Variants in CFAP74 observed in about 807,000 individuals in gnomAD.
The protein encoded by CFAP74 is cilia and flagella associated protein 74.
In CFAP74, 124 loss-of-function variants were observed where a neutral mutation model predicts 188.9. The observed-to-expected ratio is 0.66, with a 90% confidence interval of 0.57 to 0.76. The LOEUF is 0.76. CFAP74 is among the 30% of genes least tolerant of loss of function. The probability of loss-of-function intolerance (pLI) is 0.00; values close to 1 mark genes in which losing one functional copy is unlikely to be tolerated. For missense variants in CFAP74, 2,198 were observed against 2,165.2 expected (o/e 1.02, Z -0.30); for synonymous variants, 956 against 916.7 (o/e 1.04, Z -0.77).
chr1:1,961,909 A>G (rs891031574), intron 14 of CFAP74, among the ~76,000 whole-genome samples: 1 of 152,182 alleles, frequency 6.6e-6, no homozygotes, highest in African/African-American at 2.4e-5. Context: ...GATCTCAGGG[A>G]GGGGCCATCA....
chr1:1,955,762 G>A lies in CFAP74; in HGVS notation c.2105C>T (p.Ser702Phe). Residue 702 changes from serine to phenylalanine, a missense_variant, in exon 18 of 39, where the codon TCC (serine) becomes TTC (phenylalanine). Ser to Phe is a radical substitution (Grantham distance 155). Transcript: ENST00000682832. ...SEQQLEGTES[S>F]QADMQSRKEL... ...CTTCCGGCTCTGCATGTCCGCCTGG[G>A]AGGACTCCGTGCCCTCTAGCTGCTG... 1 of 1,614,236 alleles carries A rather than the reference G, an allele frequency of 6.2e-7. No homozygotes were observed. Among genetic ancestry groups the A allele is most frequent in the Non-Finnish European group, 8.5e-7 (1 of 1,180,046 alleles).
Position 1,942,916 on chromosome 1 carries a change from C to T in CFAP74, c.2487-760G>A, listed in dbSNP as rs944248073. 1.3e-5 allele frequency among the ~76,000 whole-genome samples: 2 copies of T among 152,190 alleles called. No homozygotes were observed. Among genetic ancestry groups the T allele is most frequent in the Admixed American group, 6.5e-5 (1 of 15,286 alleles). On this transcript the variant is annotated intron_variant, in intron 21 of 38. Transcript: ENST00000682832. This position sits in a 1 kb window ranked among gnomAD's most constrained non-coding sequence, Gnocchi z 4.3. ...TGCTTCCATGCGACAGTCACCCATGCTGTGGCAGCCTCATCTCCGTCCATC... is the reference window on the plus strand; with the variant it reads ...TGCTTCCATGCGACAGTCACCCATGTTGTGGCAGCCTCATCTCCGTCCATC...
chr1:1,985,476 C>T lies in CFAP74; in HGVS notation c.410G>A (p.Arg137His), dbSNP rs746426887. Reference sequence around the variant, plus strand: ...CAGGCGTCTGGACACGGCCTGGAGGCGGCCCACAGCGGCCCTGCAGTGGTG... The same window carrying T: ...CAGGCGTCTGGACACGGCCTGGAGGTGGCCCACAGCGGCCCTGCAGTGGTG... ...EEAGNMAAVG[R>H]LQAVSRRLFA... Residue 137 changes from arginine to histidine, a missense_variant, in exon 6 of 39, where the codon CGC (arginine) becomes CAC (histidine). Physicochemically the swap from Arg to His is conservative, Grantham distance 29. Coordinates refer to ENST00000682832, the MANE Select transcript of CFAP74 (RefSeq NM_001304360.2). 1.1e-5 allele frequency: 18 copies of T among 1,613,676 alleles called. No homozygotes were observed. The highest frequency in any genetic ancestry group is 6.7e-5 in the African/African-American group (5 of 75,074).
At chr1:1,997,863 G>A (rs932748482) in intron 1 of CFAP74, among the ~76,000 whole-genome samples, 3 of 152,204 alleles carry the variant, frequency 2.0e-5, no homozygotes, top group Admixed American at 1.3e-4. Context: ...CAAGAGACAA[G>A]TCGGCCACAT....
rs1652011176 is a variant in CFAP74 at position 1,927,606 on chromosome 1, C to T, written c.3527+1G>A. Reference sequence around the variant, plus strand: ...GGTGGGGCAGCCCCTCCTGGACCCACCTGGGCCTCAGCTCCCGCTTCCGCA... The same window carrying T: ...GGTGGGGCAGCCCCTCCTGGACCCATCTGGGCCTCAGCTCCCGCTTCCGCA... On this transcript the variant is annotated splice_donor_variant, in intron 28 of 38. Coordinates refer to ENST00000682832, the MANE Select transcript of CFAP74 (RefSeq NM_001304360.2). LOFTEE classifies it high-confidence loss of function. 6.5e-7 allele frequency: 1 copy of T among 1,548,980 alleles called. No homozygotes were observed. Among genetic ancestry groups the T allele is most frequent in the South Asian group, 1.2e-5 (1 of 83,918 alleles).
At chr1:1,925,573 A>G (rs1029870211) in intron 33 of CFAP74, among the ~76,000 whole-genome samples, 1 of 152,162 alleles carries the variant, frequency 6.6e-6, no homozygotes, top group Non-Finnish European at 1.5e-5. Flanking sequence ...ACTAGGGGAC[A>G]TCTGCAGCCT....
chr1:1,988,405 G>A, intron 4 of CFAP74, 107 bp downstream of exon 4: 2 of 1,398,630 alleles, frequency 1.4e-6, no homozygotes, highest in African/African-American at 1.4e-5. Flanking sequence ...ACCCTCCCTT[G>A]CAGGCCCTCA....
In CFAP74 at chr1:1,988,970, C is replaced by G; in HGVS notation, c.71G>C (p.Arg24Thr). Residue 24 changes from arginine to threonine, a missense_variant, in exon 3 of 39, where the codon AGA (arginine) becomes ACA (threonine). Arg to Thr is a moderately conservative substitution (Grantham distance 71). Transcript: ENST00000682832. ...LADALLLEDE[R>T]DELEDPEFDI... The stretch of plus-strand genomic sequence containing the variant: ...AAACTCCGGATCCTCTAATTCATCT[C>G]TTTCTAGAAATCAAGGCAAGAGTTT... The G allele has an allele frequency of 6.7e-7, 1 of 1,502,152 alleles. No individual in the cohort carries two copies. Among genetic ancestry groups the G allele is most frequent in the Non-Finnish European group, 9.1e-7 (1 of 1,095,772 alleles). The allele number at this position is 1,502,152 out of a possible 1,614,324, so 93.1% of individuals were successfully genotyped here.
chr1:1,938,155 A>G (rs569583408), intron 25 of CFAP74, among the ~76,000 whole-genome samples: 48 of 149,494 alleles, frequency 3.2e-4, no homozygotes, highest in Admixed American at 1.1e-3. Flanking sequence ...ACATGCACTC[A>G]CACTCAACCT....
chr1:1,985,117 G>C (rs1657148971), intron 6 of CFAP74: 2 of 411,344 alleles, frequency 4.9e-6, no homozygotes, highest in East Asian at 3.8e-5. Context: ...GCTGTTCTGT[G>C]GAAGCACAAA....
chr1:1,971,202 T>C (rs1056729319), intron 9 of CFAP74, among the ~76,000 whole-genome samples: 1 of 146,166 alleles, frequency 6.8e-6, no homozygotes, highest in African/African-American at 2.6e-5. Context: ...CGTGCTTACA[T>C]GCACACCTGC....
In CFAP74 at chr1:1,968,737, G is replaced by A. The variant is rs1558038221; in HGVS notation, c.1143C>T (p.Pro381=). 1.6e-5 allele frequency: 26 copies of A among 1,613,978 alleles called. No homozygotes were observed. Among genetic ancestry groups the A allele is most frequent in the Non-Finnish European group, 1.9e-5 (23 of 1,179,982 alleles). The change falls in exon 11 of 39, where the codon CCC becomes CCT. Residue 381 remains proline, a synonymous_variant. Transcript: ENST00000682832. This position sits in a 1 kb window ranked among gnomAD's most constrained non-coding sequence, Gnocchi z 4.3. ...AEEEKRKKQH[P]PTSARHRLTL... ...TCAGCCGGTGCCTGGCACTGGTGGG[G>A]GGATGCTGTTTCTTCCTCTTTTCCT...
At position 1,975,711 on chromosome 1, in the gene CFAP74, ATTTC is replaced by A. The variant is rs1420908912; in HGVS notation, c.501-1517_501-1514del. Among the ~76,000 whole-genome samples, 1 of 151,964 alleles carries A rather than the reference ATTTC, an allele frequency of 6.6e-6. No homozygotes were observed. Among genetic ancestry groups the A allele is most frequent in the Non-Finnish European group, 1.5e-5 (1 of 67,988 alleles). On this transcript the variant is annotated intron_variant, in intron 6 of 38. Coordinates refer to ENST00000682832, the MANE Select transcript of CFAP74 (RefSeq NM_001304360.2). This position sits in a 1 kb window ranked among gnomAD's most constrained non-coding sequence, Gnocchi z 4.5. ...TCCGCGGAGCTTCCACGGGCGGGTT[ATTTC>A]TATTCCTCCCTCGCGTGACTCATGA...
rs1268550465 is a variant in CFAP74 at position 1,939,740 on chromosome 1, C to T, written c.2731G>A (p.Ala911Thr). ...TCCAGGTCCGAGGTGGTGACAATGG[C>T]ATGCACGGTGAATCCCACTGGCTTG... is the stretch of plus-strand genomic sequence containing the variant. Reference protein sequence around the residue: ...QNKPVGFTVHAIVTTSDLELS... With the variant: ...QNKPVGFTVHTIVTTSDLELS... The change falls in exon 24 of 39, where the codon GCC becomes ACC. Residue 911 changes from alanine (A) to threonine (T), a missense_variant. Ala to Thr is a moderately conservative substitution (Grantham distance 58). Transcript: ENST00000682832. 9 of 1,535,966 alleles carry T rather than the reference C, an allele frequency of 5.9e-6. No homozygotes were observed. The highest frequency in any genetic ancestry group is 7.8e-6 in the Non-Finnish European group (9 of 1,146,872).
intron 28 of CFAP74, 119 bp downstream of exon 28, chr1:1,927,488 C>T: frequency 2.0e-6 from 2 of 1,005,756 alleles, no homozygotes; most frequent in Middle Eastern, 2.9e-4. Context: ...GGCATCAGTC[C>T]TTCCAGCCAC....
In CFAP74 at chr1:1,954,762, G is replaced by A. The variant is rs568233519; in HGVS notation, c.2176+929C>T. On this transcript the variant is annotated intron_variant, in intron 18 of 38. Coordinates refer to ENST00000682832, the MANE Select transcript of CFAP74 (RefSeq NM_001304360.2). ...TGCACCACTGCACTCCAGCCTAGGC[G>A]ACAGAGACCCTGTCTCAACATAAAA... The A allele has an allele frequency of 2.3e-4, 248 of 1,062,858 alleles. No individual in the cohort carries two copies. In the African/African-American group the frequency reaches 4.2e-3, roughly 18 times the overall value. 65.8% of individuals were successfully genotyped at this position (1,062,858 alleles called of 1,614,324 possible).
chr1:1,926,406 C>T (rs752735863), intron 31 of CFAP74, 51 bp downstream of exon 31: 45 of 1,550,174 alleles, frequency 2.9e-5, no homozygotes, highest in South Asian at 1.1e-4. Context: ...ACGCCCTCCC[C>T]GGTCCCCGCT....
At chr1:1,946,058 T>C (rs2474457) in intron 20 of CFAP74, among the ~76,000 whole-genome samples, 61,043 of 151,196 alleles carry the variant, frequency 0.4, 13,841 homozygotes, top group Admixed American at 0.53. Flanking sequence ...TGTGTGCATG[T>C]GTGCATGTGT....
At chr1:1,957,014 G>A (rs28549710) in intron 16 of CFAP74, among the ~76,000 whole-genome samples, 37,043 of 152,214 alleles carry the variant, frequency 0.24, 4,729 homozygotes, top group Non-Finnish European at 0.27. Flanking sequence ...CCCTCGCCAC[G>A]GAGTAACAAG....
Sources: allele counts gnomAD v4.1 joint callset (sites outside exome capture counted in the v4.1 genomes callset), GRCh38; gene constraint gnomAD v4.1.1; non-coding constraint Gnocchi (gnomAD v3.1); transcripts MANE v1.5; gene names NCBI Gene and HGNC (gene_info 2026-07-23, HGNC 2026-07-21).